The following MEGF11 variants were observed in gnomAD, a reference collection of about 807,000 sequenced individuals.
MEGF11 encodes the protein multiple epidermal growth factor-like domains protein 11.
MEGF11 carries 126 observed loss-of-function variants against 146.6 expected under a neutral mutation model. The observed-to-expected ratio is 0.86, with a 90% CI of 0.74 to 1.00. MEGF11 has a LOEUF of 1.00. Ranked by LOEUF, MEGF11 falls within the 50% of genes least tolerant of loss-of-function variation. The probability of loss-of-function intolerance (pLI) is 0.00; values close to 1 mark genes in which losing one functional copy is unlikely to be tolerated. For synonymous variants in MEGF11, 532 were observed against 583.4 expected, an observed-to-expected ratio of 0.91 and a Z score of 1.27; for missense variants, 1,509 against 1,521.2, an observed-to-expected ratio of 0.99 and a Z score of 0.13.
intron 1 of MEGF11, among the ~76,000 whole-genome samples, chr15:66,251,349 A>G (rs751166997): frequency 6.6e-6 from 1 of 152,122 alleles, no homozygotes; most frequent in Non-Finnish European, 1.5e-5. Flanking sequence ...GCCCCTCCCG[A>G]AGTGATTTCA....
At chr15:66,034,460 C>T (rs1373533543) in intron 5 of MEGF11, among the ~76,000 whole-genome samples, 3 of 151,620 alleles carry the variant, frequency 2.0e-5, no homozygotes, top group Non-Finnish European at 4.4e-5. Context: ...CACTCTGTCA[C>T]CCAGGCTGGA....
At chr15:66,048,224 G>A (rs915083615) in intron 5 of MEGF11, among the ~76,000 whole-genome samples, 1 of 152,342 alleles carries the variant, frequency 6.6e-6, no homozygotes, top group East Asian at 1.9e-4. Context: ...GGGATTACAG[G>A]CATGAGGCAC....
chr15:66,020,458 C>CT (rs2083072392), intron 5 of MEGF11, among the ~76,000 whole-genome samples: 1 of 152,232 alleles, frequency 6.6e-6, no homozygotes, highest in East Asian at 1.9e-4. Flanking sequence ...CACCTCTGTT[C>CT]TTTCCAGTTA....
chr15:66,127,850 C>A (rs552336251), intron 2 of MEGF11, among the ~76,000 whole-genome samples: 1 of 137,194 alleles, frequency 7.3e-6, no homozygotes, highest in Non-Finnish European at 1.6e-5. Context: ...CCCCCTCACC[C>A]GTCCTCCTCA....
At chr15:65,970,729 G>A (rs1424941974) in intron 7 of MEGF11, 40 bp from the exon 8 acceptor site, 3 of 1,574,766 alleles carry the variant, frequency 1.9e-6, no homozygotes, top group Non-Finnish European at 8.6e-7. Context: ...CGGTGCTCCA[G>A]AAATGCCAAA....
At chr15:66,123,559 G>A (rs555522674) in intron 3 of MEGF11, among the ~76,000 whole-genome samples, 8 of 152,160 alleles carry the variant, frequency 5.3e-5, no homozygotes, top group African/African-American at 1.9e-4. Flanking sequence ...GGCAACTGGG[G>A]TTCCATCACT....
At position 66,009,398 on chromosome 15, in the gene MEGF11, A is replaced by G. The variant is rs140934469; in HGVS notation, c.395-26910T>C. On this transcript the variant is annotated intron_variant, in intron 5 of 25. Transcript: ENST00000395614. ...CTGGGAAGAGGAAGTGTCCTTGGGG[A>G]TGCTTCCTAGTGGCTGGGAGGCTCT... Among the ~76,000 whole-genome samples, 122 of 151,994 alleles carry G rather than the reference A, an allele frequency of 8.0e-4. 3 individuals carry two copies. Among genetic ancestry groups the G allele is most frequent in the African/African-American group, 2.7e-3 (112 of 41,450 alleles).
At chr15:65,924,609 T>TGATCTGCC (rs1391097630) in intron 13 of MEGF11, among the ~76,000 whole-genome samples, 1 of 150,068 alleles carries the variant, frequency 6.7e-6, no homozygotes, top group African/African-American at 2.5e-5. Context: ...ACAAAAGCTG[T>TGATCTGCC]GATCTGCCAT....
chr15:65,931,047 A>T (rs2079559190), intron 10 of MEGF11, 104 bp from the exon 11 acceptor site: 9 of 1,303,576 alleles, frequency 6.9e-6, no homozygotes, highest in African/African-American at 1.5e-5. Context: ...TCCATGTCCT[A>T]ATCCCTGGGA....
chr15:66,150,870 G>GATAGA, intron 1 of MEGF11, among the ~76,000 whole-genome samples: 1 of 117,650 alleles, frequency 8.5e-6, no homozygotes, highest in African/African-American at 3.3e-5. Context: ...GAGAGAGAGA[G>GATAGA]GAAAGAATTT....
rs148996207 is a variant in MEGF11 at position 65,983,010 on chromosome 15, G to A, written c.395-522C>T. On this transcript the variant is annotated intron_variant, in intron 5 of 25. Coordinates refer to ENST00000395614, the MANE Select transcript of MEGF11 (RefSeq NM_001385028.1). Reference sequence around the variant, plus strand: ...GCCCGCTTCTCCCTCTTCCCCACACGCATTGGTTTTCTCACCATTTGCATT... The same window carrying A: ...GCCCGCTTCTCCCTCTTCCCCACACACATTGGTTTTCTCACCATTTGCATT... 8.0e-3 allele frequency among the ~76,000 whole-genome samples: 1,216 copies of A among 151,944 alleles called. 18 individuals carry two copies. Among genetic ancestry groups the A allele is most frequent in the African/African-American group, 0.028 (1,154 of 41,374 alleles).
At chr15:66,103,579 T>C (rs1270094471) in intron 4 of MEGF11, among the ~76,000 whole-genome samples, 2 of 151,660 alleles carry the variant, frequency 1.3e-5, no homozygotes, top group Non-Finnish European at 2.9e-5. Context: ...AAGAGGAGGA[T>C]GGGAGAGGAG....
chr15:65,994,314 T>C (rs1195043635), intron 5 of MEGF11, among the ~76,000 whole-genome samples: 6 of 152,172 alleles, frequency 3.9e-5, no homozygotes, highest in African/African-American at 1.4e-4. Context: ...GTCAGACTGG[T>C]ACTGTTCCTA....
intron 9 of MEGF11, among the ~76,000 whole-genome samples, chr15:65,961,378 A>AT (rs1294273373): frequency 2.0e-5 from 3 of 152,238 alleles, no homozygotes; most frequent in South Asian, 4.2e-4. Context: ...TCCAGAGTGG[A>AT]TTTTTCTGCC....
In MEGF11 at chr15:65,982,528, G is replaced by A; in HGVS notation, c.395-40C>T. 7.0e-7 allele frequency: 1 copy of A among 1,437,652 alleles called. No homozygotes were observed. The allele number at this position is 1,437,652 out of a possible 1,614,324, so 89.1% of individuals were successfully genotyped here. A position where few individuals can be genotyped will look rare whatever the true frequency, so the allele number is the denominator to read the frequency against. On this transcript the variant is annotated intron_variant, in intron 5 of 25. Coordinates refer to ENST00000395614, the MANE Select transcript of MEGF11 (RefSeq NM_001385028.1). The surrounding 1 kb of genome is among the most constrained non-coding windows in gnomAD (Gnocchi z 5.6). ...ACAGTCAGGGATCAGGAGCCCCGAA[G>A]GCTCTCCTTGGGGCAGGGGCCAGGA...
At chr15:66,096,857 C>A (rs780033560) in intron 4 of MEGF11, among the ~76,000 whole-genome samples, 2 of 152,232 alleles carry the variant, frequency 1.3e-5, no homozygotes, top group African/African-American at 2.4e-5. Context: ...AAGCTCCACA[C>A]TGCACTGCCT....
At chr15:66,025,389 C>T (rs1004103502) in intron 5 of MEGF11, among the ~76,000 whole-genome samples, 1 of 151,966 alleles carries the variant, frequency 6.6e-6, no homozygotes, top group Non-Finnish European at 1.5e-5. Flanking sequence ...CAGCCTGAGG[C>T]AGGGAGGAGG....
chr15:65,959,439 A>G (rs2080779515), intron 9 of MEGF11, among the ~76,000 whole-genome samples: 1 of 152,234 alleles, frequency 6.6e-6, no homozygotes, highest in Non-Finnish European at 1.5e-5. Flanking sequence ...AATCAAGTCT[A>G]AACAACAATT....
intron 4 of MEGF11, among the ~76,000 whole-genome samples, chr15:66,096,182 C>T (rs1009281082): frequency 2.6e-5 from 4 of 152,228 alleles, no homozygotes; most frequent in African/African-American, 9.6e-5. Context: ...TCCCTGCATG[C>T]TCCACAGCTG....
Sources: gnomAD v4.1 joint callset for allele counts (sites outside exome capture counted in the v4.1 genomes callset) on GRCh38, gnomAD v4.1.1 for gene constraint, Gnocchi (gnomAD v3.1) non-coding constraint, MANE v1.5 for transcripts, NCBI Gene and HGNC (gene_info 2026-07-23, HGNC 2026-07-21) for gene names.